Variants in ZNF117 observed in about 807,000 individuals in gnomAD.
ZNF117 encodes Krueppel-related zinc finger protein.
ZNF117 carries 37 observed loss-of-function variants against 41.2 expected under a neutral mutation model. The ratio of observed to expected loss-of-function variants is 0.90; its 90% confidence interval spans 0.69 to 1.18. The LOEUF (loss-of-function observed/expected upper bound fraction) is 1.18, where lower values mean the gene tolerates loss of function less well. Among genes scored for constraint, ZNF117 ranks in the 50% most tolerant of loss-of-function variants. ZNF117 has a pLI of 0.00. For missense variants in ZNF117, 546 were observed against 557.5 expected, an observed-to-expected ratio of 0.98 and a Z score of 0.21; for synonymous variants, 186 against 186.6, an observed-to-expected ratio of 1.00 and a Z score of 0.02.
chr7:64,978,177 A>C lies in ZNF117; in HGVS notation c.1394T>G (p.Ile465Arg), dbSNP rs575173200. The change falls in exon 3 of 3, where the codon ATA becomes AGA. Residue 465 changes from isoleucine to arginine, a missense_variant. Physicochemically the swap from Ile to Arg is moderately conservative, Grantham distance 97. Transcript: ENST00000620222. ...GTACTGTTTCTCTTCAGTATGAATT[A>C]TCTTATGTGTAGTAAGTGTTGAAGA... 5.4e-5 allele frequency: 87 copies of C among 1,610,834 alleles called. No homozygotes were observed. The East Asian group carries it at 1.9e-3, about 34-fold the overall frequency.
upstream of ZNF117, among the ~76,000 whole-genome samples, chr7:64,982,526 G>A (rs7780100): frequency 0.52 from 78,714 of 151,950 alleles, 21,208 homozygotes; most frequent in Admixed American, 0.64. Context: ...TTCAGATCTC[G>A]TTAATGCAGA....
chr7:64,977,205 G>T (rs1020806514), exon 3 of ZNF117: 2 of 433,520 alleles, frequency 4.6e-6, no homozygotes, highest in African/African-American at 4.1e-5. Context: ...CAGGTTAAAG[G>T]CCTTGTCACA....
exon 3 of ZNF117, chr7:64,979,444 C>T (rs1483130101): frequency 6.2e-7 from 1 of 1,609,874 alleles, no homozygotes; most frequent in Non-Finnish European, 8.5e-7. Flanking sequence ...TTCTCATATC[C>T]ACATTTTCTA....
intron 1 of ZNF117, among the ~76,000 whole-genome samples, chr7:64,988,644 G>T (rs1786186078): frequency 6.6e-6 from 1 of 152,132 alleles, no homozygotes; most frequent in Non-Finnish European, 1.5e-5. Context: ...CAAATAGGAA[G>T]AAAGGAAGTC....
chr7:64,985,766 C>A (rs994511559), upstream of ZNF117, among the ~76,000 whole-genome samples: 3 of 151,926 alleles, frequency 2.0e-5, no homozygotes, highest in Admixed American at 1.3e-4. Flanking sequence ...TGAGGCCAGC[C>A]TAGCCAACAT....
chr7:64,973,065 A>T (rs962260134), downstream of ZNF117: 1 of 152,024 alleles, frequency 6.6e-6, no homozygotes, highest in African/African-American at 2.4e-5. Context: ...AGTTTTCTAG[A>T]GAAAATGACC....
intron 2 of ZNF117, chr7:64,981,177 A>T: frequency 1.7e-6 from 1 of 601,444 alleles, no homozygotes; most frequent in Non-Finnish European, 2.8e-6. Context: ...GTGAAATTGA[A>T]GACAGATCAC....
intron 2 of ZNF117, chr7:64,980,829 C>T (rs1354970793): frequency 6.5e-6 from 1 of 152,952 alleles, no homozygotes; most frequent in Non-Finnish European, 1.5e-5. Context: ...GCAAATCTGT[C>T]CTGCCAAATA....
upstream of ZNF117, among the ~76,000 whole-genome samples, chr7:64,984,053 C>A (rs1786086019): frequency 6.6e-6 from 1 of 152,200 alleles, no homozygotes; most frequent in Non-Finnish European, 1.5e-5. Context: ...TATAAGGATT[C>A]TCTTCCATCT....
downstream of ZNF117, chr7:64,973,953 G>C (rs942132372): frequency 6.6e-6 from 1 of 151,788 alleles, no homozygotes; most frequent in Non-Finnish European, 1.5e-5. Flanking sequence ...GGTTATTATG[G>C]AACATCTGTT....
chr7:64,978,844 G>T (rs781624834), exon 3 of ZNF117: 2 of 1,613,592 alleles, frequency 1.2e-6, no homozygotes, highest in South Asian at 2.2e-5. Context: ...TCTCCGGTAT[G>T]AATTAACTTA....
At chr7:64,977,494 CAG>C (rs1785916714) in exon 3 of ZNF117, 1 of 501,168 alleles carries the variant, frequency 2.0e-6, no homozygotes, top group East Asian at 5.3e-5. Flanking sequence ...GGTTTCTCTC[CAG>C]TATGAATTCT....
chr7:64,975,587 CAAT>C (rs1340012742), exon 3 of ZNF117: 3 of 2,776 alleles, frequency 1.1e-3, no homozygotes, highest in African/African-American at 1.3e-3. Context: ...CATGTGAATA[CAAT>C]AGAATGAAAA....
exon 3 of ZNF117, chr7:64,978,150 T>G: frequency 6.2e-7 from 1 of 1,611,462 alleles, no homozygotes. Context: ...TTCATCACAT[T>G]TGTACTGTTT....
upstream of ZNF117, among the ~76,000 whole-genome samples, chr7:64,986,656 G>GT (rs1484675831): frequency 6.6e-6 from 1 of 152,172 alleles, no homozygotes; most frequent in Non-Finnish European, 1.5e-5. Flanking sequence ...AGGGAGTCAT[G>GT]TAACTTTTCA....
At chr7:64,981,916 C>T (rs893402917) in intron 1 of ZNF117, 68 bp downstream of exon 2, 4 of 447,228 alleles carry the variant, frequency 8.9e-6, no homozygotes, top group Non-Finnish European at 1.2e-5. Context: ...CATAAATCAC[C>T]AAAAACATTC....
At chr7:64,990,477 G>C (rs1224526094) in exon 1 of ZNF117, 2 of 180,270 alleles carry the variant, frequency 1.1e-5, no homozygotes, top group Non-Finnish European at 2.3e-5. Context: ...GGGCAAGTCG[G>C]GTTTTTGGCG....
chr7:64,982,027 A>G lies in ZNF117; in HGVS notation c.-106T>C, dbSNP rs1786044261. ...GGTTTCTGTAGTTCTCTCACATCAC[A>G]TGCCTATATAAATTCTGCTGTGCAG... On this transcript the variant is annotated 5_prime_UTR_variant, in exon 1 of 3. The change abolishes an upstream ATG in the 5' untranslated region. Coordinates refer to ENST00000620222, the Ensembl canonical transcript of ZNF117. 3.7e-6 allele frequency: 3 copies of G among 814,304 alleles called. No individual in the cohort carries two copies. Among genetic ancestry groups the G allele is most frequent in the Non-Finnish European group, 6.3e-6 (3 of 477,148 alleles). 50.4% of individuals were successfully genotyped at this position (814,304 alleles called of 1,614,324 possible).
At position 64,981,092 on chromosome 7, in the gene ZNF117, C is replaced by T. The variant is rs775524210; in HGVS notation, c.34+295G>A. The T allele has an allele frequency of 5.7e-5, 19 of 334,046 alleles. 1 individual carries two copies. Among genetic ancestry groups the T allele is most frequent in the Non-Finnish European group, 7.0e-5 (13 of 185,212 alleles). The allele number at this position is 334,046 out of a possible 1,614,324, so 20.7% of individuals were successfully genotyped here. On this transcript the variant is annotated intron_variant, in intron 2 of 2. Coordinates refer to ENST00000620222, the Ensembl canonical transcript of ZNF117. ...AAATTATGCATATTTGTGTGTCCCC[C>T]AAAACAACAACAAAAAAAAACCAGT...
Sources: gnomAD v4.1 joint callset for allele counts (sites outside exome capture counted in the v4.1 genomes callset) on GRCh38, gnomAD v4.1.1 for gene constraint, MANE v1.5 for transcripts, NCBI Gene and HGNC (gene_info 2026-07-23, HGNC 2026-07-21) for gene names.